Variants in SND1 observed in about 807,000 individuals in gnomAD.
The protein encoded by SND1 is staphylococcal nuclease domain-containing protein 1.
SND1 carries 38 observed loss-of-function variants against 121.7 expected under a neutral mutation model. The observed-to-expected ratio is 0.31, with a 90% confidence interval of 0.24 to 0.41. The LOEUF (loss-of-function observed/expected upper bound fraction) is 0.41, where lower values mean the gene tolerates loss of function less well. Among genes scored for constraint, SND1 ranks in the 10% least tolerant of loss-of-function variants. The probability of loss-of-function intolerance (pLI) is 1.00; values close to 1 mark genes in which losing one functional copy is unlikely to be tolerated. For missense variants in SND1, 868 were observed against 1,184.6 expected, an observed-to-expected ratio of 0.73 and a Z score of 3.92; for synonymous variants, 401 against 447.4, an observed-to-expected ratio of 0.90 and a Z score of 1.31.
At chr7:127,932,696 A>C (rs879625258) in intron 15 of SND1, among the ~76,000 whole-genome samples, 1 of 137,586 alleles carries the variant, frequency 7.3e-6, no homozygotes, top group Non-Finnish European at 1.7e-5. Context: ...CACCACCTCC[A>C]TCAGCAACCA....
chr7:127,779,635 C>T (rs1004606077), intron 10 of SND1, among the ~76,000 whole-genome samples: 1 of 152,196 alleles, frequency 6.6e-6, no homozygotes, highest in African/African-American at 2.4e-5. Flanking sequence ...ACTGGGGACA[C>T]TTAATGGTTG....
intron 16 of SND1, among the ~76,000 whole-genome samples, chr7:127,994,245 T>G (rs1802585032): frequency 6.6e-6 from 1 of 152,298 alleles, no homozygotes; most frequent in Non-Finnish European, 1.5e-5. Flanking sequence ...GCTACTCACA[T>G]TTCTGGCCAC....
At chr7:127,697,519 A>G (rs891492967) in intron 3 of SND1, among the ~76,000 whole-genome samples, 10 of 152,028 alleles carry the variant, frequency 6.6e-5, no homozygotes, top group African/African-American at 1.7e-4. Context: ...TTTTCCCTTA[A>G]TTGTTGAGTC....
chr7:128,080,407 C>T (rs1478670593), intron 17 of SND1, among the ~76,000 whole-genome samples: 1 of 152,236 alleles, frequency 6.6e-6, no homozygotes, highest in African/African-American at 2.4e-5. Flanking sequence ...GGGTGGAGAG[C>T]GCATGGCCCA....
At chr7:127,913,239 G>A (rs1471318211) in intron 14 of SND1, among the ~76,000 whole-genome samples, 2 of 152,130 alleles carry the variant, frequency 1.3e-5, no homozygotes, top group African/African-American at 2.4e-5. Flanking sequence ...TGTCACTGTC[G>A]TGGATTCTAT....
At chr7:127,701,029 T>G (rs1480360352) in intron 4 of SND1, 134 bp from the exon 5 acceptor site, 3 of 913,904 alleles carry the variant, frequency 3.3e-6, no homozygotes, top group Non-Finnish European at 5.0e-6. Context: ...TAGGCTTGGG[T>G]CTTAAGCCAT....
intron 1 of SND1, among the ~76,000 whole-genome samples, chr7:127,664,079 G>T (rs1022757191): frequency 6.6e-6 from 1 of 152,192 alleles, no homozygotes; most frequent in Non-Finnish European, 1.5e-5. Context: ...AGGCTGGAGT[G>T]CAGTGGTGCG....
intron 2 of SND1, among the ~76,000 whole-genome samples, chr7:127,692,950 A>G (rs1795947051): frequency 1.3e-5 from 2 of 152,160 alleles, no homozygotes; most frequent in African/African-American, 4.8e-5. Flanking sequence ...GGGGCTAGTT[A>G]TTTTCCTGTG....
chr7:128,003,190 A>G (rs1182306375), intron 16 of SND1, among the ~76,000 whole-genome samples: 1 of 152,216 alleles, frequency 6.6e-6, no homozygotes, highest in Non-Finnish European at 1.5e-5. Context: ...AGCCTGGGCA[A>G]CAGAGCCAAG....
At chr7:127,857,886 G>A in intron 12 of SND1, 1 of 1,358,746 alleles carries the variant, frequency 7.4e-7, no homozygotes, top group South Asian at 1.2e-5. Flanking sequence ...TGGAGTTGTA[G>A]AACTGACCAC....
At chr7:128,080,937 C>T (rs1376244533) in intron 17 of SND1, among the ~76,000 whole-genome samples, 5 of 151,818 alleles carry the variant, frequency 3.3e-5, no homozygotes, top group Admixed American at 1.3e-4. Context: ...GAATCGAGTG[C>T]CCCACAGTCA....
chr7:128,090,378 C>T (rs1793757019), intron 22 of SND1, among the ~76,000 whole-genome samples: 1 of 152,206 alleles, frequency 6.6e-6, no homozygotes, highest in African/African-American at 2.4e-5. Context: ...TTCCACCCAA[C>T]ACTATACATT....
chr7:127,830,435 T>C (rs1394875099), intron 11 of SND1, among the ~76,000 whole-genome samples: 24 of 152,184 alleles, frequency 1.6e-4, no homozygotes, highest in Admixed American at 1.6e-3. Flanking sequence ...AAGTACCTTA[T>C]AATTGCACCT....
chr7:127,813,803 T>C (rs1028922739), intron 11 of SND1, among the ~76,000 whole-genome samples: 3 of 152,208 alleles, frequency 2.0e-5, no homozygotes, highest in African/African-American at 7.2e-5. Flanking sequence ...CCTCAGGTGA[T>C]CCACCTGCCT....
At chr7:127,723,360 G>A (rs540556854) in intron 10 of SND1, among the ~76,000 whole-genome samples, 5 of 151,094 alleles carry the variant, frequency 3.3e-5, no homozygotes, top group South Asian at 2.1e-4. Flanking sequence ...CTTACAAGGC[G>A]TGTTACCTCT....
At chr7:127,960,141 C>A (rs1801696686) in intron 15 of SND1, among the ~76,000 whole-genome samples, 2 of 152,246 alleles carry the variant, frequency 1.3e-5, no homozygotes, top group African/African-American at 4.8e-5. Context: ...GCTGCTTTCC[C>A]AGGCTCACAT....
chr7:127,871,163 A>C (rs1278830665), intron 12 of SND1, among the ~76,000 whole-genome samples: 1 of 152,168 alleles, frequency 6.6e-6, no homozygotes, highest in Non-Finnish European at 1.5e-5. Context: ...GTCATCTCCT[A>C]TGATAACAAT....
At chr7:127,840,958 CTTTT>C (rs1798954065) in intron 11 of SND1, among the ~76,000 whole-genome samples, 1 of 152,110 alleles carries the variant, frequency 6.6e-6, no homozygotes, top group East Asian at 1.9e-4. Context: ...GTAGTTGTTT[CTTTT>C]GGTTATTGAA....
chr7:128,024,331 T>G (rs1435312397), intron 16 of SND1, among the ~76,000 whole-genome samples: 1 of 152,094 alleles, frequency 6.6e-6, no homozygotes. Context: ...GCCGATGGCA[T>G]GGAGTGCTGA....
Sources: gnomAD v4.1 joint callset for allele counts (sites outside exome capture counted in the v4.1 genomes callset) on GRCh38, gnomAD v4.1.1 for gene constraint, MANE v1.5 for transcripts, NCBI Gene and HGNC (gene_info 2026-07-23, HGNC 2026-07-21) for gene names.